FAM53A: variants seen among roughly 807,000 people sequenced by gnomAD.
FAM53A encodes the protein protein FAM53A.
FAM53A carries 28 observed loss-of-function variants against 26.6 expected under a neutral mutation model. The ratio of observed to expected loss-of-function variants is 1.05; its 90% confidence interval spans 0.78 to 1.45. The LOEUF is 1.45. Ranked by LOEUF, FAM53A falls within the 40% of genes most tolerant of loss-of-function variation. FAM53A has a pLI of 0.00. For missense variants in FAM53A, 650 were observed against 575.8 expected (o/e 1.13, Z -1.32); for synonymous variants, 290 against 253.1 (o/e 1.15, Z -1.38).
At chr4:1,683,582 T>A (rs762094841) in intron 1 of FAM53A, 1 of 152,114 alleles carries the variant, frequency 6.6e-6, no homozygotes, top group African/African-American at 2.4e-5. Context: ...AGATAGATGA[T>A]CATAGAAACA....
At chr4:1,597,720 G>A in the FAM53A span, among the ~76,000 whole-genome samples, 1 of 152,260 alleles carries the variant, frequency 6.6e-6, no homozygotes, top group Non-Finnish European at 1.5e-5. Context: ...GACCAGCCGG[G>A]CGCGGTGGCT....
At chr4:1,619,788 C>T (rs774342274) in intron 1 of FAM53A, among the ~76,000 whole-genome samples, 1 of 152,236 alleles carries the variant, frequency 6.6e-6, no homozygotes, top group African/African-American at 2.4e-5. Flanking sequence ...CACGCAAAGC[C>T]CTGTCCTGGG....
Position 1,654,993 on chromosome 4 carries a change from G to T in FAM53A, c.867C>A (p.Phe289Leu). 1.2e-5 allele frequency: 19 copies of T among 1,522,222 alleles called. No individual in the cohort carries two copies. Among genetic ancestry groups the T allele is most frequent in the Non-Finnish European group, 1.7e-5 (19 of 1,133,654 alleles). 94.3% of individuals were successfully genotyped at this position (1,522,222 alleles called of 1,614,324 possible). ...AAAGCCTCACCTGGGTCATTTTCAG[G>T]AAGTCCAAGGATGGGCGTGTCCACC... ...DARWTRPSLDFLKMTQTLKNS... is the reference protein window; with the variant it reads ...DARWTRPSLDLLKMTQTLKNS... Residue 289 changes from phenylalanine to leucine, a missense_variant, in exon 4 of 5, where the codon TTC becomes TTA. Transcript: ENST00000308132.
intron 1 of FAM53A, among the ~76,000 whole-genome samples, chr4:1,670,707 C>T (rs983649524): frequency 6.6e-6 from 1 of 152,184 alleles, no homozygotes; most frequent in South Asian, 2.1e-4. Flanking sequence ...TCAGCCGGGC[C>T]CACTTGTGAT....
At chr4:1,668,637 C>A in intron 2 of FAM53A, 30 bp downstream of exon 2, 2 of 1,613,428 alleles carry the variant, frequency 1.2e-6, no homozygotes, top group Non-Finnish European at 8.5e-7. Context: ...GGGAGGGGCA[C>A]CCAGCCTGGT....
At chr4:1,638,801 G>A (rs1715965379), downstream of FAM53A, among the ~76,000 whole-genome samples, 1 of 152,172 alleles carries the variant, frequency 6.6e-6, no homozygotes, top group African/African-American at 2.4e-5. Context: ...AGCAGTCAGT[G>A]GCCCCCCTCC....
chr4:1,633,919 G>A (rs977063051), intron 1 of FAM53A, among the ~76,000 whole-genome samples: 1 of 152,178 alleles, frequency 6.6e-6, no homozygotes, highest in Non-Finnish European at 1.5e-5. Flanking sequence ...CTGGCTACAG[G>A]ACCTCACTTC....
chr4:1,624,516 G>A (rs939922354), intron 1 of FAM53A, among the ~76,000 whole-genome samples: 10 of 152,190 alleles, frequency 6.6e-5, no homozygotes, highest in Non-Finnish European at 1.2e-4. Flanking sequence ...GGGTGACTGC[G>A]CAGGGACTCC....
downstream of FAM53A, among the ~76,000 whole-genome samples, chr4:1,636,731 G>A (rs113114987): frequency 5.2e-5 from 8 of 152,384 alleles, 2 homozygotes; most frequent in African/African-American, 1.7e-4. Context: ...CCAAGACCTG[G>A]GTTTTTCGGG....
the FAM53A span, among the ~76,000 whole-genome samples, chr4:1,588,680 C>T: frequency 6.6e-6 from 1 of 152,248 alleles, no homozygotes; most frequent in Non-Finnish European, 1.5e-5. Flanking sequence ...CCAGCCAGCA[C>T]TTCAATCTCA....
chr4:1,645,383 G>A (rs185189953), intron 4 of FAM53A, among the ~76,000 whole-genome samples: 27 of 152,328 alleles, frequency 1.8e-4, no homozygotes, highest in African/African-American at 6.5e-4. Context: ...CAGAAGAGAG[G>A]GTTATTAGGA....
chr4:1,609,361 C>A, the FAM53A span, among the ~76,000 whole-genome samples: 1 of 152,138 alleles, frequency 6.6e-6, no homozygotes, highest in African/African-American at 2.4e-5. Flanking sequence ...CAGGCCTGCA[C>A]CTGCCCCGGG....
chr4:1,657,945 G>A (rs772963372), intron 2 of FAM53A, among the ~76,000 whole-genome samples: 4 of 148,296 alleles, frequency 2.7e-5, no homozygotes, highest in East Asian at 4.2e-4. Flanking sequence ...GGCTGTAAAC[G>A]GACATTTTTA....
At chr4:1,653,694 G>T (rs1713075349) in intron 4 of FAM53A, among the ~76,000 whole-genome samples, 1 of 152,214 alleles carries the variant, frequency 6.6e-6, no homozygotes, top group South Asian at 2.1e-4. Context: ...GGAAGTCTGG[G>T]TTTTCAACTC....
chr4:1,584,124 C>T, the FAM53A span, among the ~76,000 whole-genome samples: 8,928 of 152,296 alleles, frequency 0.059, 318 homozygotes, highest in South Asian at 0.16. Flanking sequence ...ATTCCTCTGT[C>T]GTCCATTCAT....
At chr4:1,636,884 TG>T (rs56041921), downstream of FAM53A, among the ~76,000 whole-genome samples, 25 of 150,824 alleles carry the variant, frequency 1.7e-4, no homozygotes, top group East Asian at 7.8e-4. Flanking sequence ...CTGCTCTTGC[TG>T]GGGGGGGGTC....
chr4:1,654,800 G>A (rs889724465), intron 4 of FAM53A, among the ~76,000 whole-genome samples, 178 bp downstream of exon 4: 2 of 152,186 alleles, frequency 1.3e-5, no homozygotes, highest in African/African-American at 4.8e-5. Context: ...CTGACACCAG[G>A]ACAGGCCCCC....
chr4:1,591,881 C>G, the FAM53A span, among the ~76,000 whole-genome samples: 3 of 152,314 alleles, frequency 2.0e-5, no homozygotes, highest in South Asian at 4.1e-4. Flanking sequence ...GGCCAGCTGC[C>G]CACCCCTTTC....
At chr4:1,629,743 G>A (rs1044153875) in intron 1 of FAM53A, among the ~76,000 whole-genome samples, 5 of 152,238 alleles carry the variant, frequency 3.3e-5, no homozygotes, top group Admixed American at 6.5e-5. Flanking sequence ...GTCCCTTTGG[G>A]AGGCTGAGGC....
Sources: gnomAD v4.1 joint callset for allele counts (sites outside exome capture counted in the v4.1 genomes callset) on GRCh38, gnomAD v4.1.1 for gene constraint, MANE v1.5 for transcripts, NCBI Gene and HGNC (gene_info 2026-07-23, HGNC 2026-07-21) for gene names.